Variants in PCDHA11 observed in about 807,000 individuals in gnomAD.
PCDHA11 encodes protocadherin alpha 11.
A neutral mutation model predicts 70.3 loss-of-function variants in PCDHA11; 61 were observed. The ratio of observed to expected loss-of-function variants is 0.87; its 90% confidence interval spans 0.71 to 1.07. The LOEUF is 1.07. Among genes scored for constraint, PCDHA11 ranks in the 50% least tolerant of loss-of-function variants. The pLI, the probability that PCDHA11 is intolerant of heterozygous loss-of-function variation, is 0.00. For missense variants in PCDHA11, 1,324 were observed against 1,237.5 expected (o/e 1.07, Z -1.05); for synonymous variants, 633 against 555.1 (o/e 1.14, Z -1.97).
intron 1 of PCDHA11, chr5:140,930,304 A>G (rs1554207720): frequency 6.6e-6 from 1 of 152,236 alleles, no homozygotes. Flanking sequence ...ATAAGTAAAT[A>G]TCATATTTGA....
chr5:140,953,837 C>T (rs1585533226), intron 1 of PCDHA11, among the ~76,000 whole-genome samples: 1 of 151,614 alleles, frequency 6.6e-6, no homozygotes, highest in African/African-American at 2.4e-5. Flanking sequence ...GGTTTGTTAC[C>T]CAGGTAAACA....
chr5:140,871,973 T>C (rs2053419799), intron 1 of PCDHA11, among the ~76,000 whole-genome samples: 1 of 152,254 alleles, frequency 6.6e-6, no homozygotes, highest in African/African-American at 2.4e-5. Context: ...CTTCCTATGA[T>C]GTCCAGGTTG....
intron 1 of PCDHA11, chr5:140,926,768 C>T: frequency 2.2e-6 from 3 of 1,361,764 alleles, no homozygotes; most frequent in Non-Finnish European, 2.9e-6. Context: ...GTATCCAGCC[C>T]GCAGCAGTGA....
At chr5:141,005,725 A>AAAAAAG (rs2098234610) in intron 3 of PCDHA11, among the ~76,000 whole-genome samples, 2 of 150,088 alleles carry the variant, frequency 1.3e-5, no homozygotes, top group Admixed American at 6.6e-5. Flanking sequence ...AAAAAAAAAA[A>AAAAAAG]AAAAAAGAAT....
chr5:140,969,276 G>T, intron 1 of PCDHA11: 1 of 1,614,202 alleles, frequency 6.2e-7, no homozygotes, highest in Non-Finnish European at 8.5e-7. Context: ...GGCCAAAGTG[G>T]TCAGAATGCT....
At chr5:140,882,989 G>A (rs567590369) in intron 1 of PCDHA11, 3 of 1,614,130 alleles carry the variant, frequency 1.9e-6, no homozygotes, top group African/African-American at 1.3e-5. Context: ...CAACGCCCCG[G>A]AATTTTACCA....
chr5:140,927,587 T>A, intron 1 of PCDHA11: 18 of 1,614,162 alleles, frequency 1.1e-5, no homozygotes, highest in Non-Finnish European at 1.5e-5. Context: ...AACGCGCCTG[T>A]ATTTGAGCGC....
At chr5:140,900,695 C>T (rs889860103) in intron 1 of PCDHA11, among the ~76,000 whole-genome samples, 4 of 152,170 alleles carry the variant, frequency 2.6e-5, no homozygotes, top group Non-Finnish European at 5.9e-5. Context: ...TACTGATTTC[C>T]GTTCTTTTGG....
chr5:140,981,498 T>C (rs1299157295), intron 2 of PCDHA11, among the ~76,000 whole-genome samples: 1 of 152,146 alleles, frequency 6.6e-6, no homozygotes, highest in African/African-American at 2.4e-5. Context: ...TGCTTGAACC[T>C]GGGAGGCAGA....
chr5:140,923,885 AGAG>A (rs1190900836), intron 1 of PCDHA11, among the ~76,000 whole-genome samples: 7 of 152,210 alleles, frequency 4.6e-5, no homozygotes, highest in Non-Finnish European at 8.8e-5. Flanking sequence ...AGCGTGTGAA[AGAG>A]GAGGAGTTTC....
intron 3 of PCDHA11, among the ~76,000 whole-genome samples, chr5:140,997,328 G>A (rs76646758): frequency 0.013 from 1,948 of 152,070 alleles, 47 homozygotes; most frequent in African/African-American, 0.045. Flanking sequence ...CAGTTTTTTC[G>A]TTGTACAAAT....
intron 1 of PCDHA11, among the ~76,000 whole-genome samples, chr5:140,909,682 A>G (rs1172515528): frequency 1.3e-5 from 2 of 152,132 alleles, no homozygotes; most frequent in Non-Finnish European, 2.9e-5. Flanking sequence ...CAGGGAGCCA[A>G]TGTGGGGGTT....
chr5:141,010,697 C>T lies in PCDHA11; in HGVS notation c.*760C>T, dbSNP rs1163164861. The T allele has an allele frequency of 6.3e-6, 1 of 158,698 alleles. No homozygotes were observed. 9.8% of individuals were successfully genotyped at this position (158,698 alleles called of 1,614,324 possible). A position where few individuals can be genotyped will look rare whatever the true frequency, so the allele number is the denominator to read the frequency against. On this transcript the variant is annotated 3_prime_UTR_variant, in exon 4 of 4. Coordinates refer to ENST00000398640, the MANE Select transcript of PCDHA11 (RefSeq NM_018902.5). ...AACAGAAGCAGATCTGATGTGTTTCCTATACATGTCCTGTGCTCACTTTAT... is the reference window on the plus strand; with the variant it reads ...AACAGAAGCAGATCTGATGTGTTTCTTATACATGTCCTGTGCTCACTTTAT...
At chr5:140,889,677 A>C (rs2062337974) in intron 1 of PCDHA11, among the ~76,000 whole-genome samples, 1 of 152,018 alleles carries the variant, frequency 6.6e-6, no homozygotes, top group Non-Finnish European at 1.5e-5. Flanking sequence ...TTTTATTTTA[A>C]ACCTTTTAGT....
rs782446287 is a variant in PCDHA11, at chr5:140,870,927, T to A, written c.1824T>A (p.Tyr608Ter). The A allele has an allele frequency of 1.9e-6, 3 of 1,613,762 alleles. No homozygotes were observed. The African/African-American group carries it at 4.0e-5, about 22-fold the overall frequency. Reference protein sequence around the residue: ...ADSGYNAWLSYELQPAAGGSR... With the variant: ...ADSGYNAWLS ...CAGGCTACAACGCGTGGCTTTCATA[T>A]GAATTGCAGCCGGCGGCGGGCGGCT... is the stretch of plus-strand genomic sequence containing the variant. The change falls in exon 1 of 4, where the codon TAT (tyrosine) becomes TAA (stop). Residue 608 changes from tyrosine (Y) to a stop codon, truncating the protein, a stop_gained. Transcript: ENST00000398640. LOFTEE classifies it high-confidence loss of function.
At chr5:141,008,751 AG>A (rs1234240078) in intron 3 of PCDHA11, among the ~76,000 whole-genome samples, 11 of 152,244 alleles carry the variant, frequency 7.2e-5, no homozygotes, top group African/African-American at 2.2e-4. Context: ...CACTGAGGGA[AG>A]GAATTTGGCT....
intron 1 of PCDHA11, among the ~76,000 whole-genome samples, chr5:140,895,468 CCT>C (rs2065019844): frequency 6.6e-6 from 1 of 152,130 alleles, no homozygotes; most frequent in Non-Finnish European, 1.5e-5. Flanking sequence ...ATTTCTTTAT[CCT>C]CTTCGGAGAA....
chr5:140,921,631 T>C (rs1435281144), intron 1 of PCDHA11, among the ~76,000 whole-genome samples: 2 of 152,206 alleles, frequency 1.3e-5, no homozygotes, highest in Non-Finnish European at 2.9e-5. Flanking sequence ...ATCATCATTA[T>C]GGTAGCTATT....
rs368334312 is a variant in PCDHA11 at position 140,876,999 on chromosome 5, G to A, written c.2391+5505G>A. The A allele has an allele frequency of 1.6e-5, 26 of 1,612,428 alleles. No homozygotes were observed. In the African/African-American group the frequency reaches 3.1e-4, roughly 19 times the overall value. ...AGCACGCACTGTCGAGCTACGTGTC[G>A]GTGCACGCGGAGAGCGGCAAGGTGT... On this transcript the variant is annotated intron_variant, in intron 1 of 3. Coordinates refer to ENST00000398640, the MANE Select transcript of PCDHA11 (RefSeq NM_018902.5).
Sources: gnomAD v4.1 joint callset for allele counts (sites outside exome capture counted in the v4.1 genomes callset) on GRCh38, gnomAD v4.1.1 for gene constraint, MANE v1.5 for transcripts, NCBI Gene and HGNC (gene_info 2026-07-23, HGNC 2026-07-21) for gene names.